Variants in RHEX observed in about 807,000 individuals in gnomAD.
The protein encoded by RHEX is regulator of hemoglobinization and erythroid cell expansion.
Under a neutral mutation model 20.1 loss-of-function variants are expected in RHEX, and 18 were observed. The observed-to-expected ratio is 0.90, with a 90% confidence interval of 0.62 to 1.33. The LOEUF is 1.33. Among genes scored for constraint, RHEX ranks in the 40% most tolerant of loss-of-function variants. RHEX has a pLI of 0.00. For synonymous variants in RHEX, 87 were observed against 77.1 expected (o/e 1.13, Z -0.67); for missense variants, 192 against 214.3 (o/e 0.90, Z 0.65).
At chr1:206,084,504 T>G (rs1376165369) in intron 1 of RHEX, among the ~76,000 whole-genome samples, 1 of 152,152 alleles carries the variant, frequency 6.6e-6, no homozygotes, top group African/African-American at 2.4e-5. Flanking sequence ...AGAAAACTCT[T>G]CTGGAGAATT....
intron 1 of RHEX, among the ~76,000 whole-genome samples, chr1:206,080,917 C>T (rs1446537179): frequency 6.6e-6 from 1 of 152,150 alleles, no homozygotes; most frequent in Non-Finnish European, 1.5e-5. Flanking sequence ...ATTTTTTCAC[C>T]TCAGCCTCCC....
chr1:206,083,463 C>T (rs1217452254), intron 1 of RHEX: 2 of 983,878 alleles, frequency 2.0e-6, no homozygotes, highest in Non-Finnish European at 2.4e-6. Flanking sequence ...CTGCTGTACT[C>T]AACGAGCGAG....
chr1:206,068,826 T>C (rs1482654379), intron 1 of RHEX, among the ~76,000 whole-genome samples: 4 of 152,262 alleles, frequency 2.6e-5, no homozygotes, highest in Non-Finnish European at 5.9e-5. Flanking sequence ...AACTCTCTTT[T>C]ATTTCCCCAG....
chr1:206,057,840 A>C (rs1217609996), intron 1 of RHEX, among the ~76,000 whole-genome samples: 1 of 152,272 alleles, frequency 6.6e-6, no homozygotes, highest in Non-Finnish European at 1.5e-5. Context: ...TCTCATGGGG[A>C]TATGGAACCC....
chr1:206,100,995 C>T (rs1192255282), intron 4 of RHEX, 141 bp from the exon 5 acceptor site: 1 of 601,932 alleles, frequency 1.7e-6, no homozygotes, highest in Non-Finnish European at 2.9e-6. Context: ...CTGTATCTCT[C>T]TTCCCTACCC....
chr1:206,071,546 CAAAA>C (rs35408708), intron 1 of RHEX, among the ~76,000 whole-genome samples: 6 of 95,890 alleles, frequency 6.3e-5, no homozygotes, highest in East Asian at 2.8e-4. Flanking sequence ...GTTGAAAATG[CAAAA>C]AAAAAAAAAA....
intron 1 of RHEX, among the ~76,000 whole-genome samples, chr1:206,069,741 G>A (rs149426942): frequency 0.013 from 2,003 of 151,518 alleles, 60 homozygotes; most frequent in African/African-American, 0.046. Context: ...TGTCTGCACC[G>A]ACATTTTCAT....
chr1:206,092,766 T>C (rs1662984415), intron 1 of RHEX, among the ~76,000 whole-genome samples: 1 of 150,978 alleles, frequency 6.6e-6, no homozygotes, highest in Non-Finnish European at 1.5e-5. Context: ...ATTAATTTGG[T>C]TTATTTGTGT....
chr1:206,093,275 T>C (rs1196003133), intron 1 of RHEX, among the ~76,000 whole-genome samples: 1 of 152,168 alleles, frequency 6.6e-6, no homozygotes, highest in Non-Finnish European at 1.5e-5. Context: ...TTTTTCTTTT[T>C]TTTTTTTTCC....
chr1:206,063,033 C>T (rs1206672137), intron 1 of RHEX, among the ~76,000 whole-genome samples: 1 of 152,142 alleles, frequency 6.6e-6, no homozygotes, highest in African/African-American at 2.4e-5. Context: ...CCTACACTTC[C>T]TTGTAAGAGG....
chr1:206,090,558 T>C (rs1662927951), intron 1 of RHEX, among the ~76,000 whole-genome samples: 3 of 152,128 alleles, frequency 2.0e-5, no homozygotes. Context: ...GTTCTTGTGT[T>C]TTCCCAGATA....
chr1:206,072,964 A>G (rs1240409864), intron 1 of RHEX, among the ~76,000 whole-genome samples: 3 of 151,284 alleles, frequency 2.0e-5, no homozygotes, highest in Admixed American at 2.0e-4. Flanking sequence ...CAACCCCCCA[A>G]GTAGCTGGGA....
chr1:206,074,950 G>A (rs534568933), intron 1 of RHEX, among the ~76,000 whole-genome samples: 31 of 152,338 alleles, frequency 2.0e-4, no homozygotes, highest in South Asian at 1.0e-3. Context: ...AGGGCCAGAC[G>A]TGTTAATGGC....
chr1:206,099,940 G>A (rs1553288193), intron 4 of RHEX, 142 bp downstream of exon 4: 1 of 721,024 alleles, frequency 1.4e-6, no homozygotes, highest in Non-Finnish European at 2.3e-6. Flanking sequence ...AGCCTTGCCA[G>A]CCTACTTTTT....
At chr1:206,054,484 G>A (rs899693601) in intron 1 of RHEX, among the ~76,000 whole-genome samples, 1 of 152,204 alleles carries the variant, frequency 6.6e-6, no homozygotes, top group Non-Finnish European at 1.5e-5. Flanking sequence ...AACAATTATT[G>A]TTTTAAAAGT....
At chr1:206,054,555 A>T (rs1306636451) in intron 1 of RHEX, among the ~76,000 whole-genome samples, 1 of 152,260 alleles carries the variant, frequency 6.6e-6, no homozygotes, top group Non-Finnish European at 1.5e-5. Context: ...TATTAGCTAA[A>T]GTTAAAAAGG....
At chr1:206,071,683 C>CA (rs138697032) in intron 1 of RHEX, among the ~76,000 whole-genome samples, 2,674 of 151,248 alleles carry the variant, frequency 0.018, 72 homozygotes, top group African/African-American at 0.061. Flanking sequence ...CACATCTCTA[C>CA]AAAAAAATAA....
At position 206,099,754 on chromosome 1, in the gene RHEX, C is replaced by G; in HGVS notation, c.212C>G (p.Thr71Ser). The G allele has an allele frequency of 1.2e-6, 2 of 1,614,082 alleles. No individual in the cohort carries two copies. Among genetic ancestry groups the G allele is most frequent in the African/African-American group, 2.7e-5 (2 of 75,034 alleles). ...CCTGCTGTCAAAGAGATGAAGGAGA[C>G]TCAGACAGAGAGAGACATCCCAATG... is the stretch of plus-strand genomic sequence containing the variant. ...HPPAVKEMKE[T>S]QTERDIPMSD... The change falls in exon 4 of 6, where the codon ACT (threonine) becomes AGT (serine). Residue 71 changes from threonine (T) to serine (S), a missense_variant. Coordinates refer to ENST00000331555, the MANE Select transcript of RHEX (RefSeq NM_001007544.4).
At chr1:206,056,927 A>G (rs1662205872) in intron 1 of RHEX, among the ~76,000 whole-genome samples, 1 of 152,266 alleles carries the variant, frequency 6.6e-6, no homozygotes, top group South Asian at 2.1e-4. Flanking sequence ...TTTGGTTCCA[A>G]AAAGGAAAAG....
Sources: allele counts gnomAD v4.1 joint callset (sites outside exome capture counted in the v4.1 genomes callset), GRCh38; gene constraint gnomAD v4.1.1; transcripts MANE v1.5; gene names NCBI Gene and HGNC (gene_info 2026-07-23, HGNC 2026-07-21).